The following PCGF2 variants were observed in gnomAD, a reference collection of about 807,000 sequenced individuals.
The protein encoded by PCGF2 is polycomb group RING finger protein 2.
PCGF2 carries 8 observed loss-of-function variants against 36.1 expected under a neutral mutation model. The observed-to-expected ratio is 0.22, with a 90% CI of 0.13 to 0.40. The LOEUF (loss-of-function observed/expected upper bound fraction) is 0.40. Ranked by LOEUF, PCGF2 falls within the 10% of genes least tolerant of loss-of-function variation. The pLI is 1.00. For synonymous variants in PCGF2, 198 were observed against 191.2 expected (o/e 1.04, Z -0.29); for missense variants, 436 against 475.9 (o/e 0.92, Z 0.78).
rs747023531 is a variant in PCGF2, at chr17:38,739,557, G to C, written c.209+29C>G. On this transcript the variant is annotated intron_variant, in intron 4 of 10. Coordinates refer to ENST00000620225, the MANE Select transcript of PCGF2 (RefSeq NM_007144.3). The surrounding 1 kb of genome is among the most constrained non-coding windows in gnomAD (Gnocchi z 4.0). Reference sequence around the variant, plus strand: ...GGGGGAGGCTGACCCAGAGGATCGCGGGGACAGGAGGTGCCGTGCCAAGCC... The same window carrying C: ...GGGGGAGGCTGACCCAGAGGATCGCCGGGACAGGAGGTGCCGTGCCAAGCC... 6.5e-7 allele frequency: 1 copy of C among 1,530,702 alleles called. No homozygotes were observed. Among genetic ancestry groups the C allele is most frequent in the Non-Finnish European group, 9.1e-7 (1 of 1,103,988 alleles). The allele number at this position is 1,530,702 out of a possible 1,614,324, so 94.8% of individuals were successfully genotyped here.
At chr17:38,744,028 G>A (rs1048661394) in intron 2 of PCGF2, among the ~76,000 whole-genome samples, 5 of 152,182 alleles carry the variant, frequency 3.3e-5, no homozygotes, top group Admixed American at 6.5e-5. Context: ...GAGCTCAGGT[G>A]CTTTAACAGG....
At chr17:38,738,938 C>G in intron 6 of PCGF2, 77 bp from the exon 7 acceptor site, 1 of 1,539,808 alleles carries the variant, frequency 6.5e-7, no homozygotes, top group Non-Finnish European at 9.0e-7. Context: ...ATCATGAACT[C>G]AGCCAGGTGA....
At chr17:38,748,912 C>G (rs1907737311), upstream of PCGF2, among the ~76,000 whole-genome samples, 1 of 152,170 alleles carries the variant, frequency 6.6e-6, no homozygotes, top group African/African-American at 2.4e-5. Flanking sequence ...CCCTTGCCCC[C>G]TCGGCGGCAG....
intron 2 of PCGF2, among the ~76,000 whole-genome samples, chr17:38,741,269 T>C (rs1907187598): frequency 6.6e-6 from 1 of 151,566 alleles, no homozygotes; most frequent in African/African-American, 2.4e-5. Flanking sequence ...AGACTCTGTC[T>C]AAAAAAGAAA....
At chr17:38,740,211 C>A in intron 3 of PCGF2, 80 bp downstream of exon 3, 1 of 1,290,036 alleles carries the variant, frequency 7.8e-7, no homozygotes, top group South Asian at 1.2e-5. Flanking sequence ...GGTTTGCGTG[C>A]TACCTTCCTC....
At chr17:38,742,751 C>A (rs1354909855) in intron 2 of PCGF2, among the ~76,000 whole-genome samples, 3 of 152,208 alleles carry the variant, frequency 2.0e-5, no homozygotes, top group Non-Finnish European at 4.4e-5. Flanking sequence ...GAGGAGAGAA[C>A]AATCCAAGTG....
At chr17:38,746,021 G>A (rs1907515104) in intron 2 of PCGF2, among the ~76,000 whole-genome samples, 1 of 152,036 alleles carries the variant, frequency 6.6e-6, no homozygotes, top group Admixed American at 6.6e-5. Context: ...TTTGTGTTTG[G>A]GGCCGTGAGG....
chr17:38,744,908 AG>A (rs1907442324), intron 2 of PCGF2, among the ~76,000 whole-genome samples: 1 of 152,188 alleles, frequency 6.6e-6, no homozygotes, highest in African/African-American at 2.4e-5. Flanking sequence ...CAGAGGTGAA[AG>A]GGCTTTTAGA....
rs564909962 is a variant in PCGF2, at chr17:38,737,076, G to A, written c.577-906C>T. On this transcript the variant is annotated intron_variant, in intron 9 of 10. Transcript: ENST00000620225. ...AGCCCGGGGGGTCAGCAGAGGTTGC[G>A]GTGAGCCAAGATCCTGCCATTGCAC... Among the ~76,000 whole-genome samples, 42 of 151,434 alleles carry A rather than the reference G, an allele frequency of 2.8e-4. 1 individual carries two copies. The South Asian group carries it at 7.7e-3, about 28-fold the overall frequency.
chr17:38,742,392 T>C (rs1410106750), intron 2 of PCGF2, among the ~76,000 whole-genome samples: 1 of 151,732 alleles, frequency 6.6e-6, no homozygotes, highest in African/African-American at 2.4e-5. Context: ...CCAGGATGAG[T>C]CTGGCCAGGA....
chr17:38,738,439 G>A lies in PCGF2; in HGVS notation c.490C>T (p.Arg164Cys), dbSNP rs1378038012. Residue 164 changes from arginine (R) to cysteine (C), a missense_variant, in exon 9 of 11, where the codon CGC becomes TGC. By Grantham distance (180) the Arg-to-Cys change is radical (BLOSUM62 -3). Transcript: ENST00000620225. ...ATGGCTGCTGGGCATCGCAGGAAGCGCACCCCTGTCTGCTGGGGCACAGGC... is the reference window on the plus strand; with the variant it reads ...ATGGCTGCTGGGCATCGCAGGAAGCACACCCCTGTCTGCTGGGGCACAGGC... ...GDGDKEKTGV[R>C]FLRCPAAMTV... is the part of the protein sequence containing the mutation. The A allele has an allele frequency of 1.9e-6, 3 of 1,614,102 alleles. No homozygotes were observed. The highest frequency in any genetic ancestry group is 1.7e-6 in the Non-Finnish European group (2 of 1,179,974).
In PCGF2 at chr17:38,739,057, A is replaced by C; in HGVS notation, c.316+11T>G. On this transcript the variant is annotated intron_variant, in intron 6 of 10. Coordinates refer to ENST00000620225, the MANE Select transcript of PCGF2 (RefSeq NM_007144.3). This position sits in a 1 kb window ranked among gnomAD's most constrained non-coding sequence, Gnocchi z 4.0. ...GACTGTGCACACACAAACAGACGCG[A>C]GCACACTCACCCTCCGTCAGGGGGT... 6.2e-7 allele frequency: 1 copy of C among 1,612,514 alleles called. No individual in the cohort carries two copies. The highest frequency in any genetic ancestry group is 8.5e-7 in the Non-Finnish European group (1 of 1,179,776).
chr17:38,734,995 T>G lies in PCGF2; in HGVS notation c.*228A>C. ...CATTTTCCACACATACACACACACA[T>G]AAAGTTTGTTTCCTGTGGCATTTAA... On this transcript the variant is annotated 3_prime_UTR_variant, in exon 11 of 11. Transcript: ENST00000620225. The G allele has an allele frequency of 4.8e-5, 16 of 331,768 alleles. No individual in the cohort carries two copies. Among genetic ancestry groups the G allele is most frequent in the East Asian group, 9.3e-5 (2 of 21,516 alleles). The allele number at this position is 331,768 out of a possible 1,614,324, so 20.6% of individuals were successfully genotyped here.
At chr17:38,740,230 C>A in intron 3 of PCGF2, 61 bp downstream of exon 3, 3 of 1,463,534 alleles carry the variant, frequency 2.0e-6, no homozygotes, top group Non-Finnish European at 2.9e-6. Context: ...TCAGGCCGTG[C>A]CCGCCCCAAT....
chr17:38,735,317 T>C lies in PCGF2; in HGVS notation c.941A>G (p.Asn314Ser). 2 of 1,536,588 alleles carry C rather than the reference T, an allele frequency of 1.3e-6. No homozygotes were observed. Among genetic ancestry groups the C allele is most frequent in the Non-Finnish European group, 1.8e-6 (2 of 1,135,182 alleles). ...STASGATTAA[N>S]GGSLNCLQTP... ...CTGCAGGCAGTTCAAGCTACCCCCG[T>C]TGGCAGCTGTGGTGGCCCCACTGGC... The change falls in exon 11 of 11, where the codon AAC becomes AGC. Residue 314 changes from asparagine to serine, a missense_variant. Around this residue, in one of 3 missense-constraint regions of PCGF2, gnomAD observed 227 missense variants for 212.9 expected, o/e 1.07. Coordinates refer to ENST00000620225, the MANE Select transcript of PCGF2 (RefSeq NM_007144.3).
chr17:38,736,630 C>A (rs564090227), intron 9 of PCGF2, among the ~76,000 whole-genome samples: 47 of 151,686 alleles, frequency 3.1e-4, no homozygotes, highest in East Asian at 9.8e-4. Flanking sequence ...GTCAGGAGAT[C>A]GAGACCATCC....
At chr17:38,736,782 G>C (rs774158207) in intron 9 of PCGF2, among the ~76,000 whole-genome samples, 70 of 151,928 alleles carry the variant, frequency 4.6e-4, no homozygotes, top group Non-Finnish European at 6.3e-4. Context: ...TGCAGTGAGC[G>C]GAGATAGTGC....
chr17:38,736,099 G>C lies in PCGF2; in HGVS notation c.648C>G (p.Pro216=). The part of the protein sequence containing the change: ...YTLMDIAYIY[P]WRRNGPLPLK... ...CCACTCGCTGGCTCACCCGCCGCCA[G>C]GGGTAGATGTAGGCGATGTCCATGA... is the stretch of plus-strand genomic sequence containing the variant. The change falls in exon 10 of 11, where the codon CCC becomes CCG. Residue 216 remains proline, a synonymous_variant. Transcript: ENST00000620225. 6.3e-7 allele frequency: 1 copy of C among 1,577,972 alleles called. No individual in the cohort carries two copies. The highest frequency in any genetic ancestry group is 8.6e-7 in the Non-Finnish European group (1 of 1,160,992).
At chr17:38,740,095 G>T (rs959448304) in intron 3 of PCGF2, among the ~76,000 whole-genome samples, 196 bp downstream of exon 3, 2 of 152,244 alleles carry the variant, frequency 1.3e-5, no homozygotes, top group Admixed American at 1.3e-4. Context: ...TCCTTGAAAT[G>T]AACTTCTGGG....
Sources: allele counts gnomAD v4.1 joint callset (sites outside exome capture counted in the v4.1 genomes callset), GRCh38; gene constraint gnomAD v4.1.1; regional missense constraint gnomAD v4.1.1; non-coding constraint Gnocchi (gnomAD v3.1); transcripts MANE v1.5; gene names NCBI Gene and HGNC (gene_info 2026-07-23, HGNC 2026-07-21).